The following MYCBP2 variants were observed in gnomAD, a reference collection of about 807,000 sequenced individuals.
The protein encoded by MYCBP2 is E3 ubiquitin-protein ligase MYCBP2.
In MYCBP2, 120 loss-of-function variants were observed where a neutral mutation model predicts 525.3. The ratio of observed to expected loss-of-function variants is 0.23; its 90% CI spans 0.20 to 0.27. The LOEUF (loss-of-function observed/expected upper bound fraction) is 0.27. Ranked by LOEUF, MYCBP2 falls within the 10% of genes least tolerant of loss-of-function variation. The pLI is 1.00. For missense variants in MYCBP2, 4,149 were observed against 5,657.1 expected (o/e 0.73, Z 8.55); for synonymous variants, 1,894 against 1,955.8 (o/e 0.97, Z 0.83).
chr13:77,309,162 C>T (rs1448069873), intron 1 of MYCBP2, among the ~76,000 whole-genome samples: 2 of 152,170 alleles, frequency 1.3e-5, no homozygotes, highest in East Asian at 3.8e-4. Context: ...TTTCTAAATA[C>T]TCCCATGTCC....
At chr13:77,190,895 C>A (rs960257599) in intron 28 of MYCBP2, among the ~76,000 whole-genome samples, 1 of 152,172 alleles carries the variant, frequency 6.6e-6, no homozygotes, top group African/African-American at 2.4e-5. Context: ...TTGACCTGCA[C>A]TGGAATATAT....
intron 3 of MYCBP2, among the ~76,000 whole-genome samples, chr13:77,284,664 T>A (rs1460464415): frequency 1.3e-5 from 2 of 152,062 alleles, no homozygotes; most frequent in Admixed American, 1.3e-4. Flanking sequence ...AACTGAAGAG[T>A]TCCTTGACAA....
intron 23 of MYCBP2, among the ~76,000 whole-genome samples, chr13:77,210,110 G>T (rs1401504887): frequency 6.6e-6 from 1 of 152,056 alleles, no homozygotes; most frequent in Non-Finnish European, 1.5e-5. Context: ...TGATGGCAGG[G>T]TACACCTCCT....
chr13:77,072,661 G>GCATT (rs2041585258), intron 68 of MYCBP2, among the ~76,000 whole-genome samples: 1 of 152,070 alleles, frequency 6.6e-6, no homozygotes, highest in Non-Finnish European at 1.5e-5. Flanking sequence ...CAGAAAAAAA[G>GCATT]AATGAAGACA....
chr13:77,324,686 T>C (rs1458727580), intron 1 of MYCBP2, among the ~76,000 whole-genome samples: 1 of 152,206 alleles, frequency 6.6e-6, no homozygotes, highest in African/African-American at 2.4e-5. Flanking sequence ...GACCAAGGGC[T>C]AAAAAATCAT....
rs149219802 is a variant in MYCBP2 at position 77,256,906 on chromosome 13, A to C, written c.2176+765T>G. On this transcript the variant is annotated intron_variant, in intron 14 of 82. Coordinates refer to ENST00000544440, the MANE Select transcript of MYCBP2 (RefSeq NM_015057.5). Reference sequence around the variant, plus strand: ...GGATATACCCAAAAGAAAGGAAATTAGTACATCAAAGAGATATCTGCACTC... The same window carrying C: ...GGATATACCCAAAAGAAAGGAAATTCGTACATCAAAGAGATATCTGCACTC... Among the ~76,000 whole-genome samples the C allele has an allele frequency of 1.4e-3, 216 of 152,282 alleles. 1 individual carries two copies. Among genetic ancestry groups the C allele is most frequent in the Admixed American group, 0.011 (174 of 15,290 alleles).
intron 72 of MYCBP2, 69 bp downstream of exon 72, chr13:77,065,923 G>A: frequency 2.8e-6 from 3 of 1,084,068 alleles, no homozygotes; most frequent in Non-Finnish European, 4.1e-6. Flanking sequence ...TATCAATTCA[G>A]CAGAGTAAGC....
At chr13:77,154,967 G>T (rs1343670491) in intron 46 of MYCBP2, among the ~76,000 whole-genome samples, 1 of 151,932 alleles carries the variant, frequency 6.6e-6, no homozygotes, top group Admixed American at 6.6e-5. Flanking sequence ...ATGTGTGTAT[G>T]TATATATAAA....
At chr13:77,136,440 A>G (rs1324814164) in intron 52 of MYCBP2, among the ~76,000 whole-genome samples, 3 of 152,124 alleles carry the variant, frequency 2.0e-5, no homozygotes, top group Non-Finnish European at 4.4e-5. Context: ...GTCCTTTCAC[A>G]TTTCTAACTT....
At chr13:77,074,130 T>C (rs1162228367) in intron 68 of MYCBP2, among the ~76,000 whole-genome samples, 1 of 151,948 alleles carries the variant, frequency 6.6e-6, no homozygotes, top group African/African-American at 2.4e-5. Flanking sequence ...ATCAAGACTT[T>C]TTATAAAGCT....
intron 5 of MYCBP2, among the ~76,000 whole-genome samples, chr13:77,271,727 G>A (rs1005407708): frequency 1.3e-5 from 2 of 152,282 alleles, no homozygotes; most frequent in Admixed American, 6.5e-5. Flanking sequence ...CACCATGATT[G>A]TGAGGTTTCT....
intron 43 of MYCBP2, 43 bp from the exon 44 acceptor site, chr13:77,161,998 T>C (rs2057988993): frequency 7.4e-7 from 1 of 1,346,310 alleles, no homozygotes; most frequent in South Asian, 1.3e-5. Flanking sequence ...TGTCAATATT[T>C]AGTTTAGTTT....
chr13:77,293,235 G>A (rs2077686324), intron 2 of MYCBP2, among the ~76,000 whole-genome samples: 1 of 152,156 alleles, frequency 6.6e-6, no homozygotes, highest in Non-Finnish European at 1.5e-5. Context: ...ATTTATCAGA[G>A]GTTTGAGGAG....
At chr13:77,144,235 G>A in intron 49 of MYCBP2, 1 of 534,348 alleles carries the variant, frequency 1.9e-6, no homozygotes, top group Non-Finnish European at 3.4e-6. Flanking sequence ...AGTCATGAGG[G>A]CTACAGTGCC....
At chr13:77,067,947 AGACAGGGTCTTGCTTTGTTGCCCAGGTTG>A (rs2040473461) in intron 70 of MYCBP2, 83 bp from the exon 71 acceptor site, 5 of 1,383,762 alleles carry the variant, frequency 3.6e-6, no homozygotes, top group African/African-American at 1.5e-5. Flanking sequence ...CTTTTTTTAA[AGACAGGGTCTTGCTTTGTTGCCCAGGTTG>A]GAGTGCAGTG....
chr13:77,097,825 G>A lies in MYCBP2; in HGVS notation c.9329C>T (p.Ser3110Phe). 5 of 1,613,666 alleles carry A rather than the reference G, an allele frequency of 3.1e-6. No homozygotes were observed. In the South Asian group the frequency reaches 5.5e-5, roughly 18 times the overall value. The change falls in exon 56 of 83, where the codon TCT becomes TTT. Residue 3110 changes from serine (S) to phenylalanine (F), a missense_variant. By Grantham distance (155) the Ser-to-Phe change is radical. Transcript: ENST00000544440. ...FNIAPHGPDI[S>F]KMGSINKNKV... ...GTTTTTGTTGATGCTACCCATCTTA[G>A]ATATATCTGGTCCATGGGGTGCAAT...
chr13:77,301,809 A>G (rs1023747916), intron 1 of MYCBP2, among the ~76,000 whole-genome samples: 1 of 152,220 alleles, frequency 6.6e-6, no homozygotes, highest in Admixed American at 6.5e-5. Flanking sequence ...AGAGATTAAC[A>G]ATATGTGTAA....
At chr13:77,290,904 T>TA (rs1385374340) in intron 2 of MYCBP2, among the ~76,000 whole-genome samples, 3 of 152,166 alleles carry the variant, frequency 2.0e-5, no homozygotes, top group African/African-American at 7.2e-5. Context: ...TTTTCAAAAA[T>TA]AACTGCATTT....
At chr13:77,177,611 T>G (rs1282005464) in intron 35 of MYCBP2, 137 bp downstream of exon 35, 2 of 734,510 alleles carry the variant, frequency 2.7e-6, no homozygotes, top group Non-Finnish European at 4.5e-6. Flanking sequence ...TGTGAGCCAC[T>G]GTGGCCAGTC....
Sources: allele counts gnomAD v4.1 joint callset (sites outside exome capture counted in the v4.1 genomes callset), GRCh38; gene constraint gnomAD v4.1.1; transcripts MANE v1.5; gene names NCBI Gene and HGNC (gene_info 2026-07-23, HGNC 2026-07-21).